Variants in PCDHGB2 observed in about 807,000 individuals in gnomAD.
PCDHGB2 encodes protocadherin gamma-B2.
PCDHGB2 carries 55 observed loss-of-function variants against 59.3 expected under a neutral mutation model. That is an observed-to-expected ratio of 0.93 (90% CI 0.75 to 1.16). The LOEUF is 1.16. Among genes scored for constraint, PCDHGB2 ranks in the 50% most tolerant of loss-of-function variants. The pLI is 0.00. For missense variants in PCDHGB2, 1,228 were observed against 1,198.5 expected, an observed-to-expected ratio of 1.02 and a Z score of -0.36; for synonymous variants, 516 against 512.0, an observed-to-expected ratio of 1.01 and a Z score of -0.11.
chr5:141,407,497 G>GTTTTTTTTTTTTTTTTT (rs1554102286), intron 1 of PCDHGB2, among the ~76,000 whole-genome samples: 2 of 151,970 alleles, frequency 1.3e-5, no homozygotes, highest in African/African-American at 4.8e-5. Context: ...CTTTATTTCT[G>GTTTTTTTTTTTTTTTTT]TTTTTCTTAG....
At chr5:141,426,756 G>C in intron 1 of PCDHGB2, 1 of 456,302 alleles carries the variant, frequency 2.2e-6, no homozygotes, top group Non-Finnish European at 4.4e-6. Context: ...ATCTGCTATA[G>C]ATGCAGATGT....
chr5:141,428,288 A>G (rs1413902705), intron 1 of PCDHGB2: 1 of 728,846 alleles, frequency 1.4e-6, no homozygotes, highest in Middle Eastern at 2.3e-4. Flanking sequence ...TCCCAAGCAA[A>G]GCTGCAGATT....
At position 141,392,949 on chromosome 5, in the gene PCDHGB2, G is replaced by A. The variant is rs747367099; in HGVS notation, c.2421+30393G>A. On this transcript the variant is annotated intron_variant, in intron 1 of 3. Transcript: ENST00000522605. ...AGAGACGGACAAAGGCTCCTTCGTG[G>A]GTAATATCTCCAAGGACCTGGGGCT... The A allele has an allele frequency of 5.6e-6, 9 of 1,613,906 alleles. No homozygotes were observed. In the South Asian group the frequency reaches 8.8e-5, roughly 16 times the overall value.
intron 1 of PCDHGB2, among the ~76,000 whole-genome samples, chr5:141,373,124 C>T (rs933714666): frequency 6.6e-6 from 1 of 152,188 alleles, no homozygotes; most frequent in African/African-American, 2.4e-5. Flanking sequence ...GAATTAGACC[C>T]AAATCCTCAC....
At chr5:141,464,407 A>G (rs996561936) in intron 1 of PCDHGB2, among the ~76,000 whole-genome samples, 1 of 151,544 alleles carries the variant, frequency 6.6e-6, no homozygotes, top group Non-Finnish European at 1.5e-5. Flanking sequence ...CCTGAGATAT[A>G]TATATATCTA....
Position 141,485,274 on chromosome 5 carries a change from C to A in PCDHGB2, c.2422-9533C>A. 1 of 1,614,106 alleles carries A rather than the reference C, an allele frequency of 6.2e-7. No homozygotes were observed. The highest frequency in any genetic ancestry group is 1.3e-5 in the African/African-American group (1 of 75,036). ...TACGTTTGTGGGCAGATCCGCTACC[C>A]GGTCCCAGAGGAGTCACAGGAAGGG... On this transcript the variant is annotated intron_variant, in intron 1 of 3. Transcript: ENST00000522605. The surrounding 1 kb of genome is among the most constrained non-coding windows in gnomAD (Gnocchi z 5.7).
chr5:141,367,537 A>AAAT (rs373624904), intron 1 of PCDHGB2: 1 of 147,434 alleles, frequency 6.8e-6, no homozygotes, highest in Admixed American at 6.8e-5. Context: ...ACTCCGTCTC[A>AAAT]AAATAAATAA....
chr5:141,489,220 C>G lies in PCDHGB2; in HGVS notation c.2422-5587C>G. The G allele has an allele frequency of 6.6e-7, 1 of 1,508,698 alleles. No individual in the cohort carries two copies. Among genetic ancestry groups the G allele is most frequent in the South Asian group, 1.3e-5 (1 of 75,604 alleles). The allele number at this position is 1,508,698 out of a possible 1,614,324, so 93.5% of individuals were successfully genotyped here. A position where few individuals can be genotyped will look rare whatever the true frequency, so the allele number is the denominator to read the frequency against. ...AGACAGGACAGCACAGACTTACTCT[C>G]CACAAAGGGACTTCTGGGTCATGGG... On this transcript the variant is annotated intron_variant, in intron 1 of 3. Transcript: ENST00000522605. The surrounding 1 kb of genome is among the most constrained non-coding windows in gnomAD (Gnocchi z 4.5).
At chr5:141,422,966 C>A (rs762530904) in intron 1 of PCDHGB2, 1 of 1,614,112 alleles carries the variant, frequency 6.2e-7, no homozygotes, top group Admixed American at 1.7e-5. Flanking sequence ...GAGCTGGCGC[C>A]CCGCTCTGCG....
chr5:141,498,625 T>C (rs1327552423), intron 2 of PCDHGB2, among the ~76,000 whole-genome samples: 1 of 152,176 alleles, frequency 6.6e-6, no homozygotes, highest in Non-Finnish European at 1.5e-5. Context: ...TGGGTCACAC[T>C]GCCTAGACAG....
chr5:141,424,087 A>C, intron 1 of PCDHGB2: 1 of 933,106 alleles, frequency 1.1e-6, no homozygotes, highest in Non-Finnish European at 1.3e-6. Flanking sequence ...TTCCACCATT[A>C]TTTGCTATTA....
chr5:141,441,195 A>C (rs1160365905), intron 1 of PCDHGB2: 1 of 152,224 alleles, frequency 6.6e-6, no homozygotes, highest in Non-Finnish European at 1.5e-5. Context: ...TGATTCCCAA[A>C]GATTCTGCAC....
chr5:141,489,800 A>G lies in PCDHGB2; in HGVS notation c.2422-5007A>G. 6.2e-7 allele frequency: 1 copy of G among 1,614,166 alleles called. No homozygotes were observed. Among genetic ancestry groups the G allele is most frequent in the Non-Finnish European group, 8.5e-7 (1 of 1,179,994 alleles). On this transcript the variant is annotated intron_variant, in intron 1 of 3. Coordinates refer to ENST00000522605, the MANE Select transcript of PCDHGB2 (RefSeq NM_018923.3). This position sits in a 1 kb window ranked among gnomAD's most constrained non-coding sequence, Gnocchi z 4.5. ...TCTCTGAATGTGAAGACCCTAAAAG[A>G]TGGGAAGCCATTCCCAGAGCTGGTG...
In PCDHGB2 at chr5:141,489,200, G is replaced by A. The variant is rs1483035320; in HGVS notation, c.2422-5607G>A. The A allele has an allele frequency of 2.8e-6, 4 of 1,412,792 alleles. No individual in the cohort carries two copies. The highest frequency in any genetic ancestry group is 3.9e-6 in the Non-Finnish European group (4 of 1,038,374). The allele number at this position is 1,412,792 out of a possible 1,614,324, so 87.5% of individuals were successfully genotyped here. A position where few individuals can be genotyped will look rare whatever the true frequency, so the allele number is the denominator to read the frequency against. On this transcript the variant is annotated intron_variant, in intron 1 of 3. Coordinates refer to ENST00000522605, the MANE Select transcript of PCDHGB2 (RefSeq NM_018923.3). This position sits in a 1 kb window ranked among gnomAD's most constrained non-coding sequence, Gnocchi z 4.5. ...AAGCCCTGGGTCTACCTTGGAGACAGGACAGCACAGACTTACTCTCCACAA... is the reference window on the plus strand; with the variant it reads ...AAGCCCTGGGTCTACCTTGGAGACAAGACAGCACAGACTTACTCTCCACAA...
At chr5:141,436,335 A>T (rs2097814208) in intron 1 of PCDHGB2, among the ~76,000 whole-genome samples, 1 of 152,172 alleles carries the variant, frequency 6.6e-6, no homozygotes, top group African/African-American at 2.4e-5. Flanking sequence ...ACCATATCTC[A>T]AATATCAGTG....
chr5:141,372,939 G>T (rs1026338118), intron 1 of PCDHGB2: 1 of 824,796 alleles, frequency 1.2e-6, no homozygotes, highest in Non-Finnish European at 1.8e-6. Context: ...GTAGAGTAGG[G>T]TGTCTAGGAA....
chr5:141,389,604 G>A, intron 1 of PCDHGB2: 1 of 1,613,156 alleles, frequency 6.2e-7, no homozygotes, highest in Non-Finnish European at 8.5e-7. Flanking sequence ...TGCGCTCTTC[G>A]ATATGGTGCC....
intron 1 of PCDHGB2, chr5:141,366,264 C>A (rs1421059468): frequency 6.2e-7 from 1 of 1,613,686 alleles, no homozygotes; most frequent in Non-Finnish European, 8.5e-7. Flanking sequence ...CTCGTGGTGG[C>A]CGTCGAAGAC....
At chr5:141,508,440 T>C (rs2099868879) in intron 3 of PCDHGB2, among the ~76,000 whole-genome samples, 1 of 152,186 alleles carries the variant, frequency 6.6e-6, no homozygotes, top group African/African-American at 2.4e-5. Context: ...CACAGTTCCT[T>C]AGTGGCAGAG....
Sources: gnomAD v4.1 joint callset for allele counts (sites outside exome capture counted in the v4.1 genomes callset) on GRCh38, gnomAD v4.1.1 for gene constraint, Gnocchi (gnomAD v3.1) non-coding constraint, MANE v1.5 for transcripts, NCBI Gene and HGNC (gene_info 2026-07-23, HGNC 2026-07-21) for gene names.